LPP: variants seen among roughly 807,000 people sequenced by gnomAD.
LPP encodes LIM domain containing preferred translocation partner in lipoma.
LPP carries 38 observed loss-of-function variants against 60.4 expected under a neutral mutation model. The ratio of observed to expected loss-of-function variants is 0.63; its 90% CI spans 0.49 to 0.83. LPP has a LOEUF of 0.83. Ranked by LOEUF, LPP falls within the 40% of genes least tolerant of loss-of-function variation. LPP has a pLI of 0.00. For synonymous variants in LPP, 328 were observed against 290.8 expected, an observed-to-expected ratio of 1.13 and a Z score of -1.30; for missense variants, 902 against 783.6, an observed-to-expected ratio of 1.15 and a Z score of -1.80.
At chr3:188,511,304 C>G (rs199863611) in intron 5 of LPP, among the ~76,000 whole-genome samples, 1 of 110,846 alleles carries the variant, frequency 9.0e-6, no homozygotes, top group Admixed American at 9.1e-5. Flanking sequence ...TCCCTCCCTG[C>G]CTTCCTCCCT....
rs1459850028 is a variant in LPP at position 188,352,734 on chromosome 3, G to A, written c.-10+11015G>A. On this transcript the variant is annotated intron_variant, in intron 3 of 11. Coordinates refer to ENST00000617246, the MANE Select transcript of LPP (RefSeq NM_001375462.1). The surrounding 1 kb of genome is among the most constrained non-coding windows in gnomAD (Gnocchi z 4.4). ...GCACGGCACTGAGCCCTGCCTGAGT[G>A]CGCACTTCAGTCCTGAAAGCTGCAG... Among the ~76,000 whole-genome samples, 1 of 152,136 alleles carries A rather than the reference G, an allele frequency of 6.6e-6. No homozygotes were observed. The highest frequency in any genetic ancestry group is 1.5e-5 in the Non-Finnish European group (1 of 68,030).
At chr3:188,638,615 C>T (rs1399850169) in intron 7 of LPP, among the ~76,000 whole-genome samples, 1 of 147,984 alleles carries the variant, frequency 6.8e-6, no homozygotes, top group Non-Finnish European at 1.5e-5. Flanking sequence ...TCTAGAAAAC[C>T]CCATTGCCTC....
chr3:188,403,945 A>C lies in LPP; in HGVS notation c.-9-2167A>C, dbSNP rs1782827551. 1.3e-5 allele frequency among the ~76,000 whole-genome samples: 2 copies of C among 152,190 alleles called. 1 individual carries two copies. Among genetic ancestry groups the C allele is most frequent in the South Asian group, 4.1e-4 (2 of 4,828 alleles). ...TAAAAGGTACGGGGGAAAGAAAAAG[A>C]AAAGAAAGGCCCTGTAACCAGAGTG... On this transcript the variant is annotated intron_variant, in intron 3 of 11. Coordinates refer to ENST00000617246, the MANE Select transcript of LPP (RefSeq NM_001375462.1).
intron 3 of LPP, among the ~76,000 whole-genome samples, chr3:188,372,673 A>C (rs1167379730): frequency 6.6e-6 from 1 of 151,254 alleles, no homozygotes; most frequent in East Asian, 1.9e-4. Context: ...TGCAGAGTAA[A>C]TATTATGTTG....
chr3:188,753,968 C>T (rs1729202684), intron 8 of LPP, among the ~76,000 whole-genome samples: 1 of 152,138 alleles, frequency 6.6e-6, no homozygotes, highest in African/African-American at 2.4e-5. Flanking sequence ...GATAAAAACT[C>T]TTGTATTCAC....
At position 188,230,210 on chromosome 3, in the gene LPP, C is replaced by G. The variant is rs771700656; in HGVS notation, c.-67+4683C>G. ...AAGAGATTCTCTTGCCTCAGCTGCCCGAGTAGCTGGGACTACAGGTGCGTG... is the reference window on the plus strand; with the variant it reads ...AAGAGATTCTCTTGCCTCAGCTGCCGGAGTAGCTGGGACTACAGGTGCGTG... On this transcript the variant is annotated intron_variant, in intron 2 of 11. Transcript: ENST00000617246. Among the ~76,000 whole-genome samples, 3 of 152,000 alleles carry G rather than the reference C, an allele frequency of 2.0e-5. No homozygotes were observed. In the East Asian group the frequency reaches 5.8e-4, roughly 30 times the overall value.
Position 188,889,617 on chromosome 3 carries a change from T to TAA in LPP, c.*15141_*15142dup. On this transcript the variant is annotated 3_prime_UTR_variant, in exon 12 of 12. Coordinates refer to ENST00000617246, the MANE Select transcript of LPP (RefSeq NM_001375462.1). Reference sequence around the variant, plus strand: ...CTAACCCAGTTTTACCAAATGGAAGTAAAAGGGGACAAACTATGGAAGATG... The same window carrying TAA: ...CTAACCCAGTTTTACCAAATGGAAGTAAAAAAGGGGACAAACTATGGAAGATG... The TAA allele has an allele frequency of 4.4e-6, 1 of 226,548 alleles. No homozygotes were observed. The highest frequency in any genetic ancestry group is 6.3e-5 in the East Asian group (1 of 15,800). 14.0% of individuals were successfully genotyped at this position (226,548 alleles called of 1,614,324 possible).
At chr3:188,738,514 G>A (rs1723292657) in intron 8 of LPP, among the ~76,000 whole-genome samples, 1 of 152,146 alleles carries the variant, frequency 6.6e-6, no homozygotes, top group Non-Finnish European at 1.5e-5. Flanking sequence ...TCTGTGTGGA[G>A]AATCTTACTC....
chr3:188,229,905 C>T (rs1719225447), intron 2 of LPP, among the ~76,000 whole-genome samples: 1 of 152,048 alleles, frequency 6.6e-6, no homozygotes, highest in East Asian at 1.9e-4. Flanking sequence ...TAGATTGTGG[C>T]CAAATATTTA....
intron 5 of LPP, among the ~76,000 whole-genome samples, chr3:188,500,273 T>C (rs1811442061): frequency 6.6e-6 from 1 of 152,152 alleles, no homozygotes; most frequent in African/African-American, 2.4e-5. Flanking sequence ...TTTTCTTCTA[T>C]TCCCAGTTTG....
intron 8 of LPP, among the ~76,000 whole-genome samples, chr3:188,729,285 T>C (rs975810348): frequency 6.6e-6 from 1 of 152,162 alleles, no homozygotes; most frequent in Non-Finnish European, 1.5e-5. Context: ...CAAGGAAGGA[T>C]AGAGAGTCTG....
At chr3:188,358,778 G>A (rs1011950819) in intron 3 of LPP, among the ~76,000 whole-genome samples, 2 of 152,144 alleles carry the variant, frequency 1.3e-5, no homozygotes, top group African/African-American at 4.8e-5. Flanking sequence ...AAGCATATTC[G>A]CAATCTCTCT....
chr3:188,724,514 C>G (rs1416915092), intron 8 of LPP, among the ~76,000 whole-genome samples: 1 of 152,172 alleles, frequency 6.6e-6, no homozygotes, highest in African/African-American at 2.4e-5. Flanking sequence ...TTGCTCTGTA[C>G]CAGATGTCTG....
intron 2 of LPP, among the ~76,000 whole-genome samples, chr3:188,282,690 T>A (rs1242113415): frequency 6.6e-6 from 1 of 152,166 alleles, no homozygotes; most frequent in East Asian, 1.9e-4. Context: ...TCATCCCAGG[T>A]GCAGTGCCAC....
chr3:188,160,391 A>G (rs1255853380), intron 1 of LPP, among the ~76,000 whole-genome samples: 1 of 151,450 alleles, frequency 6.6e-6, no homozygotes, highest in Admixed American at 6.6e-5. Context: ...ATGGGGTTTC[A>G]CCATGTTGGC....
At chr3:188,718,718 G>A (rs1370323858) in intron 8 of LPP, among the ~76,000 whole-genome samples, 1 of 152,180 alleles carries the variant, frequency 6.6e-6, no homozygotes, top group African/African-American at 2.4e-5. Context: ...ATGAATTAAT[G>A]AACTAATAAA....
chr3:188,410,798 A>G (rs1455501320), intron 4 of LPP, among the ~76,000 whole-genome samples: 1 of 151,972 alleles, frequency 6.6e-6, no homozygotes, highest in East Asian at 1.9e-4. Context: ...GCTTACATGG[A>G]GAAGTTCTGT....
At chr3:188,488,434 G>A (rs1318894099) in intron 5 of LPP, among the ~76,000 whole-genome samples, 1 of 152,094 alleles carries the variant, frequency 6.6e-6, no homozygotes. Context: ...CAGGATCAAC[G>A]TGACCTCCAT....
At chr3:188,242,295 C>G (rs150001057) in intron 2 of LPP, among the ~76,000 whole-genome samples, 2 of 152,214 alleles carry the variant, frequency 1.3e-5, no homozygotes, top group Non-Finnish European at 2.9e-5. Flanking sequence ...TTTTTATCCT[C>G]TCCATCCTCA....
Sources: allele counts gnomAD v4.1 joint callset (sites outside exome capture counted in the v4.1 genomes callset), GRCh38; gene constraint gnomAD v4.1.1; non-coding constraint Gnocchi (gnomAD v3.1); transcripts MANE v1.5; gene names NCBI Gene and HGNC (gene_info 2026-07-23, HGNC 2026-07-21).